CAPZB: variants seen among roughly 807,000 people sequenced by gnomAD.
The protein encoded by CAPZB is F-actin-capping protein subunit beta.
CAPZB carries 2 observed loss-of-function variants against 38.1 expected under a neutral mutation model. That is an observed-to-expected ratio of 0.05 (90% CI 0.02 to 0.17). The LOEUF (loss-of-function observed/expected upper bound fraction) is 0.17, where lower values mean the gene tolerates loss of function less well. Ranked by LOEUF, CAPZB falls within the 10% of genes least tolerant of loss-of-function variation. CAPZB has a pLI of 1.00. For synonymous variants in CAPZB, 107 were observed against 127.4 expected (o/e 0.84, Z 1.08); for missense variants, 161 against 334.2 (o/e 0.48, Z 4.04).
intron 1 of CAPZB, among the ~76,000 whole-genome samples, chr1:19,459,825 C>A (rs551305205): frequency 8.5e-5 from 13 of 152,302 alleles, no homozygotes; most frequent in African/African-American, 3.1e-4. Context: ...TCCTGCTGTA[C>A]CGCCCCAGAC....
chr1:19,378,469 G>T, intron 4 of CAPZB, 71 bp downstream of exon 4: 1 of 871,282 alleles, frequency 1.1e-6, no homozygotes, highest in South Asian at 1.3e-5. Context: ...ATTCCAGATA[G>T]AACACTGCCA....
intron 1 of CAPZB, among the ~76,000 whole-genome samples, chr1:19,427,122 C>T (rs1325719418): frequency 6.6e-6 from 1 of 152,206 alleles, no homozygotes; most frequent in Non-Finnish European, 1.5e-5. Context: ...ACAGCCTCAC[C>T]GGAGTGTGTA....
At chr1:19,350,540 A>G (rs781337273) in intron 6 of CAPZB, among the ~76,000 whole-genome samples, 7 of 152,268 alleles carry the variant, frequency 4.6e-5, no homozygotes, top group Non-Finnish European at 8.8e-5. Flanking sequence ...TGCCCAGTTT[A>G]GGAAAATTTT....
chr1:19,352,672 G>A (rs1410094837), intron 6 of CAPZB, among the ~76,000 whole-genome samples: 8 of 152,248 alleles, frequency 5.3e-5, no homozygotes, highest in Admixed American at 4.6e-4. Flanking sequence ...GGTATGATCC[G>A]GCCGGCCTGC....
intron 4 of CAPZB, among the ~76,000 whole-genome samples, chr1:19,376,945 G>T (rs2094147612): frequency 6.6e-6 from 1 of 152,228 alleles, no homozygotes; most frequent in Admixed American, 6.5e-5. Flanking sequence ...CAGCTCGTTT[G>T]TAAGAGGGGG....
At chr1:19,411,921 G>A (rs1558238416) in intron 2 of CAPZB, among the ~76,000 whole-genome samples, 1 of 152,162 alleles carries the variant, frequency 6.6e-6, no homozygotes, top group Non-Finnish European at 1.5e-5. Flanking sequence ...GTCATGAAGG[G>A]CCGCCATCCT....
chr1:19,410,657 G>T (rs2094353584), intron 2 of CAPZB, among the ~76,000 whole-genome samples: 1 of 152,224 alleles, frequency 6.6e-6, no homozygotes, highest in African/African-American at 2.4e-5. Flanking sequence ...GGCAGGAAGA[G>T]AAGTTCAAGT....
In CAPZB at chr1:19,339,463, A is replaced by G; in HGVS notation, c.*67T>C. On this transcript the variant is annotated 3_prime_UTR_variant, in exon 9 of 9. Coordinates refer to ENST00000264202, the MANE Select transcript of CAPZB (RefSeq NM_004930.5). ...GGGAAGGGACGAGGGAAGGGAGCAGAAAACGAGTTTTCTAAGAAAGGAATC... is the reference window on the plus strand; with the variant it reads ...GGGAAGGGACGAGGGAAGGGAGCAGGAAACGAGTTTTCTAAGAAAGGAATC... 4 of 1,232,958 alleles carry G rather than the reference A, an allele frequency of 3.2e-6. No individual in the cohort carries two copies. The highest frequency in any genetic ancestry group is 4.8e-6 in the Non-Finnish European group (4 of 832,004). 76.4% of individuals were successfully genotyped at this position (1,232,958 alleles called of 1,614,324 possible). A position where few individuals can be genotyped will look rare whatever the true frequency, so the allele number is the denominator to read the frequency against.
Position 19,338,987 on chromosome 1 carries a change from G to A in CAPZB, c.*543C>T, listed in dbSNP as rs1195345769. Reference sequence around the variant, plus strand: ...CACCCCCCCCAGCCCCCACCCCGCGGCCTCCGTGGGACGGGAGAGTCTGCG... The same window carrying A: ...CACCCCCCCCAGCCCCCACCCCGCGACCTCCGTGGGACGGGAGAGTCTGCG... On this transcript the variant is annotated 3_prime_UTR_variant, in exon 9 of 9. Coordinates refer to ENST00000264202, the MANE Select transcript of CAPZB (RefSeq NM_004930.5). 1 of 148,292 alleles carries A rather than the reference G, an allele frequency of 6.7e-6. No individual in the cohort carries two copies. The highest frequency in any genetic ancestry group is 1.5e-5 in the Non-Finnish European group (1 of 67,238). The allele number at this position is 148,292 out of a possible 1,614,324, so 9.2% of individuals were successfully genotyped here. A position where few individuals can be genotyped will look rare whatever the true frequency, so the allele number is the denominator to read the frequency against.
intron 2 of CAPZB, among the ~76,000 whole-genome samples, chr1:19,405,953 G>A (rs960409603): frequency 6.6e-6 from 1 of 152,220 alleles, no homozygotes; most frequent in Non-Finnish European, 1.5e-5. Context: ...CTAGAATTTG[G>A]TTGGCAGTCA....
At chr1:19,391,617 A>G (rs1386053477) in intron 2 of CAPZB, among the ~76,000 whole-genome samples, 1 of 152,228 alleles carries the variant, frequency 6.6e-6, no homozygotes, top group African/African-American at 2.4e-5. Context: ...CGTGTCAGAA[A>G]CAAAATATAC....
chr1:19,385,124 C>T (rs571770780), intron 3 of CAPZB, among the ~76,000 whole-genome samples: 94 of 152,198 alleles, frequency 6.2e-4, no homozygotes, highest in African/African-American at 2.2e-3. Flanking sequence ...CCCTCAGGAT[C>T]CCCATCATAT....
chr1:19,478,563 T>C lies in CAPZB; in HGVS notation c.3+6873A>G, dbSNP rs114599584. Among the ~76,000 whole-genome samples the C allele has an allele frequency of 7.0e-3, 1,067 of 152,280 alleles. 7 individuals are homozygous for C. Among genetic ancestry groups the C allele is most frequent in the Non-Finnish European group, 0.011 (780 of 68,020 alleles). The stretch of plus-strand genomic sequence containing the variant: ...ATGTCAGAAACATGTGGGGTGACCA[T>C]AGGAGGAAGCACGGAAAAACGCAGG... On this transcript the variant is annotated intron_variant, in intron 1 of 8. Coordinates refer to ENST00000264202, the MANE Select transcript of CAPZB (RefSeq NM_004930.5).
At chr1:19,347,456 G>A (rs550607211) in intron 6 of CAPZB, among the ~76,000 whole-genome samples, 21 of 152,290 alleles carry the variant, frequency 1.4e-4, no homozygotes, top group African/African-American at 4.3e-4. Flanking sequence ...TCTGCCGATA[G>A]GGGTAGGGAC....
intron 6 of CAPZB, among the ~76,000 whole-genome samples, chr1:19,354,578 C>G (rs1014173231): frequency 3.3e-5 from 5 of 152,236 alleles, no homozygotes; most frequent in African/African-American, 1.2e-4. Context: ...CAAACAAAGT[C>G]CGAAGCCCTG....
chr1:19,375,388 G>T (rs868409060), intron 4 of CAPZB, among the ~76,000 whole-genome samples: 1 of 152,082 alleles, frequency 6.6e-6, no homozygotes, highest in Non-Finnish European at 1.5e-5. Context: ...GGTGGTCTGC[G>T]GTCCCTGTCA....
chr1:19,387,683 G>A (rs1416925099), intron 2 of CAPZB, among the ~76,000 whole-genome samples: 1 of 152,210 alleles, frequency 6.6e-6, no homozygotes, highest in Non-Finnish European at 1.5e-5. Context: ...TAGACCTCCT[G>A]ACTCCGCTGC....
chr1:19,475,397 T>C (rs1335809033), intron 1 of CAPZB, among the ~76,000 whole-genome samples: 1 of 152,174 alleles, frequency 6.6e-6, no homozygotes, highest in East Asian at 1.9e-4. Context: ...GCCACCAGTG[T>C]GACTTCAGGC....
intron 4 of CAPZB, among the ~76,000 whole-genome samples, chr1:19,366,283 A>AATATATATATATATATATATATATATAT (rs201882034): frequency 3.1e-4 from 19 of 60,486 alleles, no homozygotes; most frequent in East Asian, 1.3e-3. Context: ...CGTGTCTTAA[A>AATATATATATATATATATATATATATAT]ATATATATAT....
Sources: allele counts gnomAD v4.1 joint callset (sites outside exome capture counted in the v4.1 genomes callset), GRCh38; gene constraint gnomAD v4.1.1; transcripts MANE v1.5; gene names NCBI Gene and HGNC (gene_info 2026-07-23, HGNC 2026-07-21).